MPRIP: variants seen among roughly 807,000 people sequenced by gnomAD.
MPRIP encodes the protein myosin phosphatase Rho-interacting protein.
Under a neutral mutation model 234.9 loss-of-function variants are expected in MPRIP, and 59 were observed. The ratio of observed to expected loss-of-function variants is 0.25; its 90% CI spans 0.20 to 0.31. MPRIP has a LOEUF of 0.31. Among genes scored for constraint, MPRIP ranks in the 10% least tolerant of loss-of-function variants. MPRIP has a pLI of 1.00. For synonymous variants in MPRIP, 1,144 were observed against 1,263.9 expected (o/e 0.91, Z 2.01); for missense variants, 2,436 against 3,071.0 (o/e 0.79, Z 4.89).
chr17:17,052,537 T>C (rs2088573100), intron 1 of MPRIP, among the ~76,000 whole-genome samples: 1 of 152,122 alleles, frequency 6.6e-6, no homozygotes, highest in Admixed American at 6.5e-5. Context: ...TCACAGGAAG[T>C]CCAGCACGAT....
intron 1 of MPRIP, among the ~76,000 whole-genome samples, chr17:17,061,770 C>T (rs561377630): frequency 1.7e-3 from 258 of 152,162 alleles, no homozygotes; most frequent in African/African-American, 6.1e-3. Context: ...GGTGCCTGCC[C>T]CACCCTCAGA....
At chr17:17,184,408 C>T (rs1331649912) in intron 23 of MPRIP, among the ~76,000 whole-genome samples, 1 of 152,236 alleles carries the variant, frequency 6.6e-6, no homozygotes, top group Non-Finnish European at 1.5e-5. Flanking sequence ...TGGTCCTCCT[C>T]AGCTGAGGCT....
At chr17:17,161,131 C>T (rs1257272083) in intron 14 of MPRIP, 109 bp from the exon 15 acceptor site, 9 of 688,624 alleles carry the variant, frequency 1.3e-5, no homozygotes, top group African/African-American at 3.6e-5. Flanking sequence ...AATGTGGAGA[C>T]TCCAAAACTC....
Position 17,172,570 on chromosome 17 carries a change from A to T in MPRIP, c.6473-128A>T, listed in dbSNP as rs2046163526. ...GGGCCAGCCTGTCATGCAAAATCCA[A>T]CTGCTGATTGACTAAGCAAGCATCA... On this transcript the variant is annotated intron_variant, in intron 17 of 23. Coordinates refer to ENST00000651222, the MANE Select transcript of MPRIP (RefSeq NM_001364716.4). 48 of 678,114 alleles carry T rather than the reference A, an allele frequency of 7.1e-5. No individual in the cohort carries two copies. In the South Asian group the frequency reaches 8.2e-4, roughly 12 times the overall value. 42.0% of individuals were successfully genotyped at this position (678,114 alleles called of 1,614,324 possible). A position where few individuals can be genotyped will look rare whatever the true frequency, so the allele number is the denominator to read the frequency against.
Position 17,175,389 on chromosome 17 carries a change from G to A in MPRIP, c.6847G>A (p.Gly2283Ser). The stretch of plus-strand genomic sequence containing the variant: ...GGCCACTGGGTCACCCCTTGCACAG[G>A]GCAAGGATGCCTATGAACTAGAGGT... ...GEATGSPLAQ[G>S]KDAYELEVLL... Residue 2283 changes from glycine to serine, a missense_variant, in exon 20 of 24, where the codon GGC becomes AGC. Gly to Ser is a moderately conservative substitution (Grantham distance 56). This residue lies in a region of MPRIP where 1,998 missense variants were observed against 2,520.3 expected (regional missense o/e 0.79). Transcript: ENST00000651222. The A allele has an allele frequency of 6.2e-7, 1 of 1,612,318 alleles. No individual in the cohort carries two copies. The highest frequency in any genetic ancestry group is 8.5e-7 in the Non-Finnish European group (1 of 1,179,492).
In MPRIP at chr17:17,078,631, C is replaced by T. The variant is rs1346528451; in HGVS notation, c.267+555C>T. 6.6e-6 allele frequency among the ~76,000 whole-genome samples: 1 copy of T among 152,248 alleles called. No homozygotes were observed. Among genetic ancestry groups the T allele is most frequent in the Non-Finnish European group, 1.5e-5 (1 of 68,040 alleles). ...CAGACAGGCTTCTTCCTCCTCCCCA[C>T]CTCCCTGGTTTTCCAGTTGCTTCCT... On this transcript the variant is annotated intron_variant, in intron 3 of 23. Coordinates refer to ENST00000651222, the MANE Select transcript of MPRIP (RefSeq NM_001364716.4). The surrounding 1 kb of genome is among the most constrained non-coding windows in gnomAD (Gnocchi z 4.3).
intron 5 of MPRIP, 152 bp downstream of exon 5, chr17:17,131,853 G>C: frequency 1.4e-6 from 1 of 702,890 alleles, no homozygotes; most frequent in Non-Finnish European, 2.5e-6. Context: ...GCTGCAATCT[G>C]CAAGATCCTC....
At position 17,186,419 on chromosome 17, in the gene MPRIP, T is replaced by A. The variant is rs529760795; in HGVS notation, c.*1525T>A. On this transcript the variant is annotated 3_prime_UTR_variant, in exon 24 of 24. Coordinates refer to ENST00000651222, the MANE Select transcript of MPRIP (RefSeq NM_001364716.4). ...TTTTCAGACCCAGGTTTAGGTGCTC[T>A]CTTCTCACTGAAATAACTAAGTGCT... 1 of 152,360 alleles carries A rather than the reference T, an allele frequency of 6.6e-6. No homozygotes were observed. The highest frequency in any genetic ancestry group is 2.1e-4 in the South Asian group (1 of 4,830). The allele number at this position is 152,360 out of a possible 1,614,324, so 9.4% of individuals were successfully genotyped here.
At chr17:17,142,546 C>A (rs2045350386) in intron 7 of MPRIP, 81 bp from the exon 8 acceptor site, 1 of 1,528,548 alleles carries the variant, frequency 6.5e-7, no homozygotes, top group East Asian at 2.3e-5. Flanking sequence ...CCGGGCCAGG[C>A]CGGGCATGGG....
intron 23 of MPRIP, chr17:17,182,694 G>A (rs2046397010): frequency 6.6e-6 from 1 of 152,318 alleles, no homozygotes; most frequent in East Asian, 1.9e-4. Context: ...GCAGGAGCCA[G>A]TAGCGAGCAT....
At chr17:17,171,388 G>T (rs1438154880) in intron 16 of MPRIP, 2 of 245,030 alleles carry the variant, frequency 8.2e-6, no homozygotes, top group Non-Finnish European at 7.9e-6. Context: ...ACGCAGGAAG[G>T]TCCAGGGTTG....
chr17:17,126,105 AAC>A (rs1289744861), intron 3 of MPRIP, among the ~76,000 whole-genome samples: 2 of 152,324 alleles, frequency 1.3e-5, no homozygotes, highest in African/African-American at 4.8e-5. Flanking sequence ...TTCAGTGTGT[AAC>A]AGTTTTTGCT....
chr17:17,146,196 C>T, intron 10 of MPRIP, 104 bp downstream of exon 10: 2 of 984,876 alleles, frequency 2.0e-6, no homozygotes, highest in Admixed American at 2.0e-5. Flanking sequence ...CCATGCCTTC[C>T]TCCTCCATGC....
chr17:17,154,639 C>G (rs1238140292), intron 13 of MPRIP, among the ~76,000 whole-genome samples: 1 of 152,240 alleles, frequency 6.6e-6, no homozygotes, highest in East Asian at 1.9e-4. Context: ...TTTCATCTTG[C>G]AGGTAGCATG....
At chr17:17,152,690 C>T (rs940896796) in intron 12 of MPRIP, among the ~76,000 whole-genome samples, 2 of 152,222 alleles carry the variant, frequency 1.3e-5, no homozygotes, top group African/African-American at 2.4e-5. Flanking sequence ...CTGGTCCAGC[C>T]TTTGTGGAGA....
intron 3 of MPRIP, among the ~76,000 whole-genome samples, chr17:17,125,851 G>A (rs1207280906): frequency 6.6e-6 from 1 of 152,228 alleles, no homozygotes; most frequent in Non-Finnish European, 1.5e-5. Flanking sequence ...GAAGCCAGCA[G>A]CTGTCCATTA....
intron 12 of MPRIP, among the ~76,000 whole-genome samples, chr17:17,153,846 G>A (rs147459228): frequency 1.3e-5 from 2 of 152,196 alleles, no homozygotes; most frequent in African/African-American, 4.8e-5. Flanking sequence ...GGCCCATCAT[G>A]CCATGTGCCT....
chr17:17,161,738 T>C (rs1170494643), intron 15 of MPRIP, among the ~76,000 whole-genome samples: 10 of 152,252 alleles, frequency 6.6e-5, no homozygotes, highest in Admixed American at 5.2e-4. Flanking sequence ...ATTGTACAGA[T>C]TGAAGACATT....
chr17:17,056,819 G>T, intron 1 of MPRIP, among the ~76,000 whole-genome samples: 1 of 151,778 alleles, frequency 6.6e-6, no homozygotes, highest in East Asian at 1.9e-4. Context: ...TCTGCTTTGT[G>T]CCTCAATGGA....
Sources: gnomAD v4.1 joint callset for allele counts (sites outside exome capture counted in the v4.1 genomes callset) on GRCh38, gnomAD v4.1.1 for gene constraint, gnomAD v4.1.1 regional missense constraint, Gnocchi (gnomAD v3.1) non-coding constraint, MANE v1.5 for transcripts, NCBI Gene and HGNC (gene_info 2026-07-23, HGNC 2026-07-21) for gene names.